Variants in MYO15A observed in about 807,000 individuals in gnomAD.
MYO15A encodes unconventional myosin-XV.
A neutral mutation model predicts 394.6 loss-of-function variants in MYO15A; 308 were observed. The ratio of observed to expected loss-of-function variants is 0.78; its 90% CI spans 0.71 to 0.86. The LOEUF (loss-of-function observed/expected upper bound fraction) is 0.86. MYO15A is among the 40% of genes least tolerant of loss of function. The probability of loss-of-function intolerance (pLI) is 0.00; values close to 1 mark genes in which losing one functional copy is unlikely to be tolerated. For missense variants in MYO15A, 4,606 were observed against 4,799.1 expected (o/e 0.96, Z 1.19); for synonymous variants, 1,957 against 2,003.8 (o/e 0.98, Z 0.62).
chr17:18,155,312 A>T lies in MYO15A; in HGVS notation c.8341-2A>T, dbSNP rs778404517. On this transcript the variant is annotated splice_acceptor_variant, in intron 46 of 65. Coordinates refer to ENST00000647165, the MANE Select transcript of MYO15A (RefSeq NM_016239.4). LOFTEE classifies it high-confidence loss of function. ...CTCACACGCCCTTCATCTCTGCCCC[A>T]GGGCAGCGTGGGCACTGGTGTGCAG... 1.2e-6 allele frequency: 2 copies of T among 1,613,790 alleles called. No individual in the cohort carries two copies. The highest frequency in any genetic ancestry group is 8.5e-7 in the Non-Finnish European group (1 of 1,180,000).
chr17:18,137,942 G>A, intron 16 of MYO15A, 173 bp from the exon 17 acceptor site: 1 of 980,170 alleles, frequency 1.0e-6, no homozygotes, highest in Non-Finnish European at 1.5e-6. Flanking sequence ...AGAGGGAGCA[G>A]CAGGACCCTG....
chr17:18,120,815 C>G lies in MYO15A; in HGVS notation c.2015C>G (p.Ser672Cys), dbSNP rs876657897. 9 of 1,222,020 alleles carry G rather than the reference C, an allele frequency of 7.4e-6. No individual in the cohort carries two copies. The highest frequency in any genetic ancestry group is 9.2e-6 in the Non-Finnish European group (9 of 981,044). 75.7% of individuals were successfully genotyped at this position (1,222,020 alleles called of 1,614,324 possible). A position where few individuals can be genotyped will look rare whatever the true frequency, so the allele number is the denominator to read the frequency against. Reference protein sequence around the residue: ...SPPVPPRPPSSGPPPAPPLSP... With the variant: ...SPPVPPRPPSCGPPPAPPLSP... ...CCCGTGCCCCCGCGGCCCCCAAGCT[C>G]CGGGCCCCCGCCCGCGCCGCCGCTC... Residue 672 changes from serine (S) to cysteine (C), a missense_variant, in exon 2 of 66, where the codon TCC (serine) becomes TGC (cysteine). Transcript: ENST00000647165.
chr17:18,161,343 T>A lies in MYO15A; in HGVS notation c.9413T>A (p.Leu3138Gln), dbSNP rs2046773360. ...GACAGCTGCCAGCGAGGCTGGAGGC[T>A]GCTGTATATCGTGACCGCCTACCAC... ...KQDSCQRGWR[L>Q]LYIVTAYHSC... Residue 3138 changes from leucine to glutamine, a missense_variant, in exon 57 of 66, where the codon CTG becomes CAG. By Grantham distance (113) the Leu-to-Gln change is moderately radical. Around this residue, in one of 2 missense-constraint regions of MYO15A, gnomAD observed 2,776 missense variants for 3,109.3 expected, o/e 0.89. Transcript: ENST00000647165. 1.2e-6 allele frequency: 2 copies of A among 1,614,080 alleles called. No homozygotes were observed. Among genetic ancestry groups the A allele is most frequent in the East Asian group, 4.5e-5 (2 of 44,868 alleles).
At chr17:18,164,339 T>A in intron 60 of MYO15A, 1 of 212,166 alleles carries the variant, frequency 4.7e-6, no homozygotes, top group Admixed American at 5.3e-5. Context: ...GACTGCCCAC[T>A]CTAGATCATG....
At position 18,119,259 on chromosome 17, in the gene MYO15A, G is replaced by A. The variant is rs1161718422; in HGVS notation, c.459G>A (p.Gln153=). The A allele has an allele frequency of 5.6e-6, 9 of 1,612,320 alleles. No individual in the cohort carries two copies. The highest frequency in any genetic ancestry group is 6.8e-6 in the Non-Finnish European group (8 of 1,179,868). The change falls in exon 2 of 66, where the codon CAG becomes CAA. Residue 153 remains glutamine, a synonymous_variant. Coordinates refer to ENST00000647165, the MANE Select transcript of MYO15A (RefSeq NM_016239.4). ...AGGCCGAGGAGTCGGGCAGCGAACA[G>A]GCCACAGTGGACGCCTGGCTGCAGC... ...LKKAEESGSE[Q]ATVDAWLQRS...
At position 18,149,512 on chromosome 17, in the gene MYO15A, G is replaced by T. The variant is rs767729763; in HGVS notation, c.7144G>T (p.Val2382Leu). ...QESDSLGEPA[V>L]PHKGLDCYLD... Reference sequence around the variant, plus strand: ...GTCAGACAGTCTTGGAGAGCCTGCTGTGCCCCACAAGGGGCTGGACTGCTA... The same window carrying T: ...GTCAGACAGTCTTGGAGAGCCTGCTTTGCCCCACAAGGGGCTGGACTGCTA... The change falls in exon 35 of 66, where the codon GTG (valine) becomes TTG (leucine). Residue 2382 changes from valine to leucine, a missense_variant. By Grantham distance (32) the Val-to-Leu change is conservative. Around this residue, in one of 2 missense-constraint regions of MYO15A, gnomAD observed 2,776 missense variants for 3,109.3 expected, o/e 0.89. Transcript: ENST00000647165. 2 of 1,614,206 alleles carry T rather than the reference G, an allele frequency of 1.2e-6. No homozygotes were observed. Among genetic ancestry groups the T allele is most frequent in the Non-Finnish European group, 1.7e-6 (2 of 1,180,034 alleles).
At position 18,122,414 on chromosome 17, in the gene MYO15A, G is replaced by C. The variant is rs756914505; in HGVS notation, c.3609+5G>C. On this transcript the variant is annotated splice_donor_5th_base_variant and intron_variant, in intron 2 of 65. Coordinates refer to ENST00000647165, the MANE Select transcript of MYO15A (RefSeq NM_016239.4). ...CCGCCAAGCTGGCGGAACAAGGTAT[G>C]GAGGCACAGATTACACGGAGGGTTT... 6.2e-7 allele frequency: 1 copy of C among 1,611,486 alleles called. No individual in the cohort carries two copies. Among genetic ancestry groups the C allele is most frequent in the South Asian group, 1.1e-5 (1 of 90,822 alleles).
Position 18,145,893 on chromosome 17 carries a change from C to T in MYO15A, c.6295C>T (p.Pro2099Ser). The stretch of plus-strand genomic sequence containing the variant: ...CCAGATCCTGCGCTTCATGGGCGAC[C>T]CCCACCTGCATGGTGCCCGGGAGAA... Reference protein sequence around the residue: ...FKLILRFMGDPHLHGARENIF... With the variant: ...FKLILRFMGDSHLHGARENIF... The change falls in exon 30 of 66, where the codon CCC becomes TCC. Residue 2099 changes from proline to serine, a missense_variant. By Grantham distance (74) the Pro-to-Ser change is moderately conservative. Coordinates refer to ENST00000647165, the MANE Select transcript of MYO15A (RefSeq NM_016239.4). 2 of 1,613,376 alleles carry T rather than the reference C, an allele frequency of 1.2e-6. No homozygotes were observed. Among genetic ancestry groups the T allele is most frequent in the Non-Finnish European group, 1.7e-6 (2 of 1,180,026 alleles).
Position 18,120,983 on chromosome 17 carries a change from G to C in MYO15A, c.2183G>C (p.Ser728Thr), listed in dbSNP as rs1456670414. The C allele has an allele frequency of 2.0e-6, 3 of 1,501,252 alleles. No individual in the cohort carries two copies. The highest frequency in any genetic ancestry group is 2.7e-6 in the Non-Finnish European group (3 of 1,130,518). 93.0% of individuals were successfully genotyped at this position (1,501,252 alleles called of 1,614,324 possible). ...GCCTTCGTGGAGCCCCCTGCCGTGA[G>C]CCCGGAGGTGCCCCCCGACCTACTA... ...WWAFVEPPAV[S>T]PEVPPDLLAF... The change falls in exon 2 of 66, where the codon AGC becomes ACC. Residue 728 changes from serine (S) to threonine (T), a missense_variant. By Grantham distance (58) the Ser-to-Thr change is moderately conservative. This residue lies in a region of MYO15A where 1,830 missense variants were observed against 1,689.7 expected (regional missense o/e 1.08). Transcript: ENST00000647165.
intron 1 of MYO15A, chr17:18,110,069 C>T (rs2045702954): frequency 6.6e-6 from 1 of 152,430 alleles, no homozygotes; most frequent in African/African-American, 2.4e-5. Context: ...CATCCCAAGC[C>T]CACCGTGTCC....
Position 18,138,098 on chromosome 17 carries a change from C to T in MYO15A, c.4876-17C>T. On this transcript the variant is annotated splice_polypyrimidine_tract_variant and intron_variant, in intron 16 of 65. Coordinates refer to ENST00000647165, the MANE Select transcript of MYO15A (RefSeq NM_016239.4). ...ACAGGGATGGGAGGTTGAGCTCCTG[C>T]TGCCCACTGCCTGCAGGAGGAGTAC... The T allele has an allele frequency of 6.2e-7, 1 of 1,607,536 alleles. No homozygotes were observed.
intron 1 of MYO15A, among the ~76,000 whole-genome samples, chr17:18,112,041 GC>G (rs1241089957): frequency 6.6e-6 from 1 of 152,210 alleles, no homozygotes; most frequent in Non-Finnish European, 1.5e-5. Context: ...GTGGAAAGAT[GC>G]CTGCCTGAGG....
rs1380345728 is a variant in MYO15A at position 18,147,360 on chromosome 17, G to T, written c.6510-669G>T. On this transcript the variant is annotated intron_variant, in intron 30 of 65. Transcript: ENST00000647165. The surrounding 1 kb of genome is among the most constrained non-coding windows in gnomAD (Gnocchi z 4.4). ...GGGTAAGGCCGTTGCTGGTCTGCCT[G>T]CCTGGGGCTTTCCTGAGGGCATGGT... Among the ~76,000 whole-genome samples the T allele has an allele frequency of 6.6e-6, 1 of 152,202 alleles. No individual in the cohort carries two copies. Among genetic ancestry groups the T allele is most frequent in the Non-Finnish European group, 1.5e-5 (1 of 68,042 alleles).
intron 65 of MYO15A, chr17:18,176,536 CTTTT>C (rs1440510140): frequency 3.7e-5 from 5 of 135,388 alleles, no homozygotes; most frequent in Admixed American, 7.5e-5. Context: ...CTTTTTTTTA[CTTTT>C]CTTTTTTTTT....
chr17:18,145,377 T>C (rs2142352795), intron 29 of MYO15A, among the ~76,000 whole-genome samples: 1 of 152,276 alleles, frequency 6.6e-6, no homozygotes. Context: ...ATCTTTAGTT[T>C]TCCCATAGTT....
Position 18,139,571 on chromosome 17 carries a change from G to C in MYO15A, c.5171G>C (p.Arg1724Pro). ...CTGGACAAGAACCACGACCAAGTGC[G>C]CCAGGATGTGCTGGACCTGTTCGTA... ...KFLDKNHDQVRQDVLDLFVRS... is the reference protein window; with the variant it reads ...KFLDKNHDQVPQDVLDLFVRS... The change falls in exon 19 of 66, where the codon CGC becomes CCC. Residue 1724 changes from arginine to proline, a missense_variant. This residue lies in a region of MYO15A where 2,776 missense variants were observed against 3,109.3 expected (regional missense o/e 0.89). Transcript: ENST00000647165. The C allele has an allele frequency of 6.2e-7, 1 of 1,614,062 alleles. No homozygotes were observed. The highest frequency in any genetic ancestry group is 8.5e-7 in the Non-Finnish European group (1 of 1,179,996).
chr17:18,149,254 C>A lies in MYO15A; in HGVS notation c.6995C>A (p.Ser2332Tyr), dbSNP rs2142364188. 3.1e-6 allele frequency: 5 copies of A among 1,614,008 alleles called. No homozygotes were observed. Among genetic ancestry groups the A allele is most frequent in the Non-Finnish European group, 1.7e-6 (2 of 1,179,974 alleles). Residue 2332 changes from serine (S) to tyrosine (Y), a missense_variant, in exon 34 of 66, where the codon TCC becomes TAC. Around this residue, in one of 2 missense-constraint regions of MYO15A, gnomAD observed 2,776 missense variants for 3,109.3 expected, o/e 0.89. Coordinates refer to ENST00000647165, the MANE Select transcript of MYO15A (RefSeq NM_016239.4). ...AGCTGGGACTCGGATGAGGACATGT[C>A]CACTAGACCCCAGCCCCAGGAGCAC... ...GNSWDSDEDMSTRPQPQEHMP... is the reference protein window; with the variant it reads ...GNSWDSDEDMYTRPQPQEHMP...
Position 18,119,646 on chromosome 17 carries a change from G to T in MYO15A, c.846G>T (p.Pro282=). The T allele has an allele frequency of 6.2e-7, 1 of 1,603,664 alleles. No homozygotes were observed. Among genetic ancestry groups the T allele is most frequent in the Non-Finnish European group, 8.5e-7 (1 of 1,179,882 alleles). ...PPYGDHYYGY[P]PEDPYDYYHP... Reference sequence around the variant, plus strand: ...ACGGCGACCACTACTACGGGTACCCGCCCGAGGATCCCTACGACTACTACC... The same window carrying T: ...ACGGCGACCACTACTACGGGTACCCTCCCGAGGATCCCTACGACTACTACC... Residue 282 remains proline, a synonymous_variant, in exon 2 of 66, where the codon CCG becomes CCT. Transcript: ENST00000647165.
chr17:18,167,479 C>G, intron 61 of MYO15A, 111 bp from the exon 62 acceptor site: 1 of 1,531,916 alleles, frequency 6.5e-7, no homozygotes, highest in Non-Finnish European at 8.9e-7. Flanking sequence ...CATCCTACCC[C>G]AGAAGAGGAT....
Sources: gnomAD v4.1 joint callset for allele counts (sites outside exome capture counted in the v4.1 genomes callset) on GRCh38, gnomAD v4.1.1 for gene constraint, gnomAD v4.1.1 regional missense constraint, Gnocchi (gnomAD v3.1) non-coding constraint, MANE v1.5 for transcripts, NCBI Gene and HGNC (gene_info 2026-07-23, HGNC 2026-07-21) for gene names.